Variants in PHACTR1 observed in about 807,000 individuals in gnomAD.
PHACTR1 encodes the protein RPEL repeat containing 1.
In PHACTR1, 16 loss-of-function variants were observed where a neutral mutation model predicts 69.2. That is an observed-to-expected ratio of 0.23 (90% CI 0.16 to 0.35). The LOEUF is 0.35. Ranked by LOEUF, PHACTR1 falls within the 10% of genes least tolerant of loss-of-function variation. The pLI is 1.00. For missense variants in PHACTR1, 510 were observed against 734.7 expected, an observed-to-expected ratio of 0.69 and a Z score of 3.54; for synonymous variants, 312 against 284.5, an observed-to-expected ratio of 1.10 and a Z score of -0.97.
intron 4 of PHACTR1, among the ~76,000 whole-genome samples, chr6:12,799,994 T>C (rs1773511724): frequency 6.6e-6 from 1 of 152,218 alleles, no homozygotes; most frequent in South Asian, 2.1e-4. Flanking sequence ...CACTGTGTGA[T>C]AGCTTTTCAT....
intron 4 of PHACTR1, among the ~76,000 whole-genome samples, chr6:12,945,762 G>A (rs1021316922): frequency 7.2e-5 from 11 of 151,940 alleles, no homozygotes; most frequent in Non-Finnish European, 1.3e-4. Context: ...TCAGGAGTTC[G>A]AGACCAGCCG....
At chr6:13,057,302 G>A (rs947834251) in intron 5 of PHACTR1, among the ~76,000 whole-genome samples, 3 of 152,006 alleles carry the variant, frequency 2.0e-5, no homozygotes, top group African/African-American at 7.2e-5. Flanking sequence ...AAGGAAAAAG[G>A]GGTTCAGGGG....
At chr6:13,008,919 T>G (rs1317499001) in intron 4 of PHACTR1, among the ~76,000 whole-genome samples, 1 of 152,188 alleles carries the variant, frequency 6.6e-6, no homozygotes, top group Non-Finnish European at 1.5e-5. Flanking sequence ...AAACAACAGA[T>G]ATTTATTCTC....
chr6:13,133,218 CCTCCCCCT>C (rs1820770857), intron 5 of PHACTR1, among the ~76,000 whole-genome samples: 1 of 36,784 alleles, frequency 2.7e-5, no homozygotes, highest in African/African-American at 1.1e-4. Context: ...TCCCCCTCCC[CCTCCCCCT>C]CCCCCTCTCC....
At position 13,193,357 on chromosome 6, in the gene PHACTR1, GTATATATATA is replaced by G. The variant is rs56305254; in HGVS notation, c.664+10690_664+10699del. On this transcript the variant is annotated intron_variant, in intron 7 of 14. Transcript: ENST00000332995. ...ATTCTACCTCTTAATAGCTCTCTGT[GTATATATATA>G]TATATATATATATATATAGTTTTGG... Among the ~76,000 whole-genome samples the G allele has an allele frequency of 3.1e-3, 211 of 68,194 alleles. 16 individuals are homozygous for G. The highest frequency in any genetic ancestry group is 8.8e-3 in the Middle Eastern group (1 of 114). The allele number at this position is 68,194 out of a possible 152,430, so 44.7% of individuals were successfully genotyped here. A position where few individuals can be genotyped will look rare whatever the true frequency, so the allele number is the denominator to read the frequency against.
At chr6:13,197,082 G>A (rs16873767) in intron 7 of PHACTR1, among the ~76,000 whole-genome samples, 3,138 of 152,298 alleles carry the variant, frequency 0.021, 100 homozygotes, top group African/African-American at 0.071. Flanking sequence ...TACAAAGCAC[G>A]TTCACGTGAT....
intron 5 of PHACTR1, among the ~76,000 whole-genome samples, chr6:13,103,650 T>C (rs1815560067): frequency 6.6e-6 from 1 of 152,344 alleles, no homozygotes; most frequent in African/African-American, 2.4e-5. Flanking sequence ...TACAGGAAAG[T>C]TGTGAAAATA....
At chr6:12,967,092 C>T (rs1793597787) in intron 4 of PHACTR1, among the ~76,000 whole-genome samples, 1 of 152,218 alleles carries the variant, frequency 6.6e-6, no homozygotes, top group Non-Finnish European at 1.5e-5. Flanking sequence ...AAAAAATCCT[C>T]AATACTTAAG....
intron 4 of PHACTR1, among the ~76,000 whole-genome samples, chr6:12,884,832 CACAT>C (rs1013693750): frequency 1.3e-5 from 2 of 152,182 alleles, no homozygotes; most frequent in Non-Finnish European, 2.9e-5. Context: ...CACACACAAA[CACAT>C]ACACACACAC....
At chr6:13,225,605 T>C (rs1313284204) in intron 8 of PHACTR1, among the ~76,000 whole-genome samples, 1 of 152,184 alleles carries the variant, frequency 6.6e-6, no homozygotes, top group East Asian at 1.9e-4. Flanking sequence ...CTCTCTTCTT[T>C]ATCTTCTTGA....
chr6:12,910,988 A>G (rs1786318468), intron 4 of PHACTR1, among the ~76,000 whole-genome samples: 1 of 152,164 alleles, frequency 6.6e-6, no homozygotes, highest in South Asian at 2.1e-4. Flanking sequence ...ACCATTTCTG[A>G]CTGGCATGAA....
chr6:12,929,277 C>T (rs1374805789), intron 4 of PHACTR1, among the ~76,000 whole-genome samples: 1 of 152,022 alleles, frequency 6.6e-6, no homozygotes, highest in Non-Finnish European at 1.5e-5. Context: ...TTGGTGTAGC[C>T]GCTTCTCCTG....
intron 4 of PHACTR1, among the ~76,000 whole-genome samples, chr6:12,915,178 A>G (rs559532413): frequency 5.3e-5 from 8 of 152,326 alleles, no homozygotes; most frequent in Admixed American, 2.6e-4. Flanking sequence ...CTGCACCACC[A>G]GAGTGAGAGC....
At chr6:12,791,589 G>A (rs1772283696) in intron 4 of PHACTR1, among the ~76,000 whole-genome samples, 1 of 152,230 alleles carries the variant, frequency 6.6e-6, no homozygotes. Flanking sequence ...TGCACTGGCA[G>A]GCTGGCTTTG....
chr6:12,864,188 A>T (rs1388280509), intron 4 of PHACTR1, among the ~76,000 whole-genome samples: 1 of 152,194 alleles, frequency 6.6e-6, no homozygotes, highest in East Asian at 1.9e-4. Context: ...ACACAAATTC[A>T]GTGGTTCTCA....
intron 4 of PHACTR1, among the ~76,000 whole-genome samples, chr6:12,902,290 G>C (rs1392496596): frequency 6.6e-6 from 1 of 152,154 alleles, no homozygotes; most frequent in African/African-American, 2.4e-5. Context: ...GGATATGGTG[G>C]CACGTACCTG....
chr6:13,094,071 G>T (rs1052295118), intron 5 of PHACTR1, among the ~76,000 whole-genome samples: 3 of 151,896 alleles, frequency 2.0e-5, no homozygotes, highest in African/African-American at 2.4e-5. Flanking sequence ...CAGGGTCTCA[G>T]TATGTTGCCC....
At chr6:13,088,737 A>C (rs1812721813) in intron 5 of PHACTR1, among the ~76,000 whole-genome samples, 1 of 152,096 alleles carries the variant, frequency 6.6e-6, no homozygotes, top group Non-Finnish European at 1.5e-5. Context: ...TGGATGTCAC[A>C]AACTTGTCCC....
At chr6:12,919,843 C>T (rs1438147924) in intron 4 of PHACTR1, among the ~76,000 whole-genome samples, 1 of 152,116 alleles carries the variant, frequency 6.6e-6, no homozygotes, top group Non-Finnish European at 1.5e-5. Context: ...TCCCGGAATC[C>T]AGCACTGTGC....
Sources: allele counts gnomAD v4.1 joint callset (sites outside exome capture counted in the v4.1 genomes callset), GRCh38; gene constraint gnomAD v4.1.1; transcripts MANE v1.5; gene names NCBI Gene and HGNC (gene_info 2026-07-23, HGNC 2026-07-21).